KLRG1: variants seen among roughly 807,000 people sequenced by gnomAD.
KLRG1 encodes killer cell lectin like receptor G1, also known as killer cell lectin-like receptor subfamily G member 1.
KLRG1 carries 16 observed loss-of-function variants against 21.8 expected under a neutral mutation model. The observed-to-expected ratio is 0.73, with a 90% CI of 0.50 to 1.11. The LOEUF (loss-of-function observed/expected upper bound fraction) is 1.11, where lower values mean the gene tolerates loss of function less well. Ranked by LOEUF, KLRG1 falls within the 50% of genes most tolerant of loss-of-function variation. The probability of loss-of-function intolerance (pLI) is 0.00; values close to 1 mark genes in which losing one functional copy is unlikely to be tolerated. For missense variants in KLRG1, 173 were observed against 218.3 expected (o/e 0.79, Z 1.31); for synonymous variants, 69 against 75.9 (o/e 0.91, Z 0.47).
chr12:9,192,352 G>A, the KLRG1 span: 1 of 1,355,586 alleles, frequency 7.4e-7, no homozygotes, highest in African/African-American at 1.4e-5. Flanking sequence ...TCAAGTCTGT[G>A]CTGGAGAGAA....
chr12:8,993,557 G>A lies in KLRG1; in HGVS notation c.187+1247G>A, dbSNP rs779819967. ...CCCGCCTTGGCCTCCCCAAGTGCTG[G>A]GATTACAGGTGTGAGCCATTGCGCT... On this transcript the variant is annotated intron_variant, in intron 2 of 4. Coordinates refer to ENST00000356986, the MANE Select transcript of KLRG1 (RefSeq NM_005810.4). Among the ~76,000 whole-genome samples the A allele has an allele frequency of 1.3e-4, 20 of 152,228 alleles. No homozygotes were observed. The South Asian group carries it at 1.5e-3, about 11-fold the overall frequency.
At chr12:9,153,612 T>C in the KLRG1 span, among the ~76,000 whole-genome samples, 45 of 152,380 alleles carry the variant, frequency 3.0e-4, no homozygotes, top group South Asian at 6.2e-3. Flanking sequence ...CTTCAAAGAA[T>C]AGGTCTAAAA....
chr12:9,151,510 A>AT, the KLRG1 span: 2 of 1,025,574 alleles, frequency 2.0e-6, no homozygotes, highest in African/African-American at 3.2e-5. Context: ...ATTACTAATG[A>AT]TTGTTTTCCT....
the KLRG1 span, among the ~76,000 whole-genome samples, chr12:9,119,088 A>G: frequency 6.6e-6 from 1 of 152,232 alleles, no homozygotes; most frequent in Non-Finnish European, 1.5e-5. Context: ...AATAGTCAAT[A>G]GAAGATTGCT....
At chr12:9,109,049 T>TGA in the KLRG1 span, among the ~76,000 whole-genome samples, 1 of 152,050 alleles carries the variant, frequency 6.6e-6, no homozygotes, top group African/African-American at 2.4e-5. Context: ...TGTGTGTGTG[T>TGA]GTGCAGTTTT....
At chr12:9,033,016 C>T in the KLRG1 span, among the ~76,000 whole-genome samples, 1 of 152,228 alleles carries the variant, frequency 6.6e-6, no homozygotes, top group African/African-American at 2.4e-5. Context: ...TCCTGTCAAT[C>T]AAACTCTTTC....
chr12:8,991,220 T>G (rs1033817549), intron 1 of KLRG1, among the ~76,000 whole-genome samples: 6 of 152,184 alleles, frequency 3.9e-5, no homozygotes, highest in Admixed American at 1.3e-4. Flanking sequence ...CACTATGAGA[T>G]ACCTTTGATT....
At chr12:9,158,752 C>CTTTTTTTTTTTTTTTTTTTT in the KLRG1 span, among the ~76,000 whole-genome samples, 10 of 97,808 alleles carry the variant, frequency 1.0e-4, no homozygotes, top group Admixed American at 3.8e-4. Context: ...TTTTTCTTTT[C>CTTTTTTTTTTTTTTTTTTTT]TTTTCTTTTT....
At chr12:9,118,413 C>A in the KLRG1 span, among the ~76,000 whole-genome samples, 1 of 152,132 alleles carries the variant, frequency 6.6e-6, no homozygotes, top group African/African-American at 2.4e-5. Context: ...TTCTTCCTTG[C>A]CCAGGCTGGA....
the KLRG1 span, chr12:9,150,670 A>T: frequency 6.2e-7 from 1 of 1,610,790 alleles, no homozygotes; most frequent in South Asian, 1.1e-5. Context: ...ATAGACTTTA[A>T]CAATTGCTGG....
chr12:9,012,719 T>A (rs1166807203), downstream of KLRG1, among the ~76,000 whole-genome samples: 1 of 152,002 alleles, frequency 6.6e-6, no homozygotes, highest in Non-Finnish European at 1.5e-5. Context: ...CTGGGGTCCT[T>A]GATTCCAGGC....
the KLRG1 span, chr12:9,158,365 C>T: frequency 4.4e-6 from 7 of 1,598,888 alleles, no homozygotes; most frequent in African/African-American, 1.3e-5. Flanking sequence ...CCCTTCACCC[C>T]TGGGGGATGT....
intron 1 of KLRG1, among the ~76,000 whole-genome samples, chr12:8,959,532 G>C (rs914363660): frequency 2.6e-5 from 4 of 152,102 alleles, no homozygotes; most frequent in Admixed American, 1.3e-4. Context: ...CTGAACTCTT[G>C]GGGGGATGAG....
the KLRG1 span, chr12:9,077,720 A>C: frequency 6.2e-7 from 1 of 1,614,184 alleles, no homozygotes; most frequent in South Asian, 1.1e-5. Context: ...ATTGTTGAGC[A>C]GTGACCCAGA....
At chr12:9,155,489 GTTA>G in the KLRG1 span, among the ~76,000 whole-genome samples, 12 of 145,454 alleles carry the variant, frequency 8.3e-5, no homozygotes, top group Non-Finnish European at 1.2e-4. Context: ...TTTTGTTGTT[GTTA>G]TTGTTGTTGT....
chr12:9,207,335 T>A, the KLRG1 span, among the ~76,000 whole-genome samples: 2 of 152,176 alleles, frequency 1.3e-5, no homozygotes. Context: ...GCCTATGTGC[T>A]ATTATTGGAC....
the KLRG1 span, among the ~76,000 whole-genome samples, chr12:9,095,350 T>C: frequency 1.3e-5 from 2 of 152,210 alleles, no homozygotes; most frequent in Non-Finnish European, 2.9e-5. Context: ...ACTTGAATAA[T>C]ACTCCAAAAA....
the KLRG1 span, chr12:9,149,449 C>A: frequency 1.9e-6 from 2 of 1,066,678 alleles, no homozygotes; most frequent in Non-Finnish European, 2.7e-6. Flanking sequence ...GAGGACATGC[C>A]ATGTGGATTG....
the KLRG1 span, chr12:9,072,580 C>A: frequency 1.2e-3 from 1,884 of 1,599,988 alleles, 4 homozygotes; most frequent in Middle Eastern, 1.5e-3. Context: ...CCATTGTTTT[C>A]TGAGTTAGGA....
Sources: gnomAD v4.1 joint callset for allele counts (sites outside exome capture counted in the v4.1 genomes callset) on GRCh38, gnomAD v4.1.1 for gene constraint, MANE v1.5 for transcripts, NCBI Gene and HGNC (gene_info 2026-07-23, HGNC 2026-07-21) for gene names.